The following STK32A variants were observed in gnomAD, a reference collection of about 807,000 sequenced individuals.
STK32A encodes serine/threonine kinase 32A, also known as serine/threonine-protein kinase 32A.
A neutral mutation model predicts 53.2 loss-of-function variants in STK32A; 41 were observed. That is an observed-to-expected ratio of 0.77 (90% CI 0.60 to 1.00). The LOEUF (loss-of-function observed/expected upper bound fraction) is 1.00, where lower values mean the gene tolerates loss of function less well. STK32A is among the 50% of genes least tolerant of loss of function. The pLI is 0.00. For missense variants in STK32A, 458 were observed against 485.8 expected (o/e 0.94, Z 0.54); for synonymous variants, 166 against 162.8 (o/e 1.02, Z -0.15).
intron 10 of STK32A, among the ~76,000 whole-genome samples, chr5:147,374,070 G>A (rs1277598912): frequency 6.6e-6 from 1 of 152,044 alleles, no homozygotes; most frequent in African/African-American, 2.4e-5. Context: ...CGAGGCAGGA[G>A]GATCAGGGGT....
chr5:147,353,379 A>G (rs139860315), intron 7 of STK32A, among the ~76,000 whole-genome samples: 4 of 152,290 alleles, frequency 2.6e-5, no homozygotes, highest in Non-Finnish European at 5.9e-5. Context: ...TAGGCAACAG[A>G]CTGAGATATC....
chr5:147,262,611 A>C (rs1489750896), intron 2 of STK32A, among the ~76,000 whole-genome samples: 2 of 148,838 alleles, frequency 1.3e-5, no homozygotes, highest in East Asian at 3.9e-4. Context: ...AACAAAAAAA[A>C]ACAAGACTTC....
intron 4 of STK32A, among the ~76,000 whole-genome samples, chr5:147,297,851 G>A (rs546253216): frequency 4.5e-4 from 68 of 152,062 alleles, no homozygotes; most frequent in African/African-American, 1.6e-3. Flanking sequence ...GTGGTGGCAC[G>A]TGCCTGTAAT....
rs142920096 is a variant in STK32A, at chr5:147,303,188, C to A, written c.261-20710C>A. Among the ~76,000 whole-genome samples the A allele has an allele frequency of 3.4e-4, 52 of 152,268 alleles. No individual in the cohort carries two copies. In the East Asian group the frequency reaches 9.1e-3, roughly 27 times the overall value. On this transcript the variant is annotated intron_variant, in intron 4 of 12. Transcript: ENST00000397936. ...GTGCTTTTAGATTAAGAATTAGATG[C>A]ATTATGACAGATTTTGCTATGTAAC...
chr5:147,393,753 T>C, the STK32A span: 13 of 425,188 alleles, frequency 3.1e-5, no homozygotes, highest in Non-Finnish European at 4.4e-5. Context: ...CTCAACACTA[T>C]GATAGAGCAG....
chr5:147,288,918 G>T (rs1026931629), intron 4 of STK32A, among the ~76,000 whole-genome samples: 1 of 152,154 alleles, frequency 6.6e-6, no homozygotes, highest in Non-Finnish European at 1.5e-5. Flanking sequence ...TAAATGAAAT[G>T]AATAAAGTGC....
chr5:147,248,031 G>T (rs1381476983), intron 2 of STK32A, among the ~76,000 whole-genome samples: 1 of 148,888 alleles, frequency 6.7e-6, no homozygotes, highest in Non-Finnish European at 1.5e-5. Context: ...TGAGGCAGGA[G>T]AATTGCTTGA....
At chr5:147,305,791 G>A (rs1753375809) in intron 4 of STK32A, among the ~76,000 whole-genome samples, 2 of 151,734 alleles carry the variant, frequency 1.3e-5, no homozygotes, top group Non-Finnish European at 2.9e-5. Context: ...TAGGCATTTG[G>A]ATCGTTTGCA....
chr5:147,271,313 T>C (rs1384015659), intron 2 of STK32A, among the ~76,000 whole-genome samples: 2 of 152,244 alleles, frequency 1.3e-5, no homozygotes, highest in Admixed American at 1.3e-4. Context: ...TGATTTCCTA[T>C]GCCTGTCTTT....
At chr5:147,317,160 AAT>A (rs201574133) in intron 4 of STK32A, among the ~76,000 whole-genome samples, 2 of 146,260 alleles carry the variant, frequency 1.4e-5, no homozygotes, top group East Asian at 2.0e-4. Flanking sequence ...AAAAAAAAAA[AAT>A]CTAACCTAAA....
intron 2 of STK32A, among the ~76,000 whole-genome samples, chr5:147,250,528 C>T (rs4705140): frequency 1.3e-5 from 2 of 151,924 alleles, no homozygotes; most frequent in African/African-American, 4.8e-5. Flanking sequence ...GTGACTAAGT[C>T]GGTGAGAAAA....
chr5:147,299,824 C>T (rs1182108974), intron 4 of STK32A, among the ~76,000 whole-genome samples: 2 of 152,154 alleles, frequency 1.3e-5, no homozygotes, highest in Admixed American at 6.5e-5. Flanking sequence ...ATAGGCTACA[C>T]GTTATTCTTT....
intron 4 of STK32A, among the ~76,000 whole-genome samples, chr5:147,318,927 C>T (rs540226219): frequency 6.6e-6 from 1 of 152,230 alleles, no homozygotes; most frequent in East Asian, 1.9e-4. Context: ...CTCATCAAGC[C>T]TTGGTGGAAA....
At position 147,370,686 on chromosome 5, in the gene STK32A, C is replaced by T. The variant is rs1302212790; in HGVS notation, c.693C>T (p.Ser231=). 1 of 1,611,994 alleles carries T rather than the reference C, an allele frequency of 6.2e-7. No individual in the cohort carries two copies. The highest frequency in any genetic ancestry group is 8.5e-7 in the Non-Finnish European group (1 of 1,178,528). ...ATCATATTCGCTCCAGTACTTCCAG[C>T]AAGGAAATTGTACACACGTTTGAGA... The part of the protein sequence containing the change: ...RPYHIRSSTS[S]KEIVHTFETT... Residue 231 remains serine (S), a synonymous_variant, in exon 9 of 13, where the codon AGC becomes AGT. Coordinates refer to ENST00000397936, the MANE Select transcript of STK32A (RefSeq NM_001112724.2).
chr5:147,371,835 T>C (rs78352830), intron 9 of STK32A, among the ~76,000 whole-genome samples: 2,892 of 152,236 alleles, frequency 0.019, 36 homozygotes, highest in Non-Finnish European at 0.029. Context: ...GATTGGAAAT[T>C]GAAACAGACA....
chr5:147,297,732 C>A (rs1369956270), intron 4 of STK32A, among the ~76,000 whole-genome samples: 1 of 152,144 alleles, frequency 6.6e-6, no homozygotes, highest in East Asian at 1.9e-4. Context: ...AATCCCAGCA[C>A]TTTGGGAGGC....
At chr5:147,275,604 G>A (rs1355989680) in intron 2 of STK32A, among the ~76,000 whole-genome samples, 1 of 152,160 alleles carries the variant, frequency 6.6e-6, no homozygotes, top group Non-Finnish European at 1.5e-5. Context: ...GATTACAGGT[G>A]TGAGTGACTG....
At chr5:147,355,534 C>A (rs1581131917) in intron 7 of STK32A, among the ~76,000 whole-genome samples, 1 of 151,814 alleles carries the variant, frequency 6.6e-6, no homozygotes, top group Admixed American at 6.6e-5. Context: ...AAAAATTAGC[C>A]GGGCGTGGTG....
At chr5:147,358,256 A>C (rs913784787) in intron 7 of STK32A, among the ~76,000 whole-genome samples, 1 of 152,174 alleles carries the variant, frequency 6.6e-6, no homozygotes, top group Non-Finnish European at 1.5e-5. Flanking sequence ...CACACTCACC[A>C]GATTGGCAAT....
Sources: allele counts gnomAD v4.1 joint callset (sites outside exome capture counted in the v4.1 genomes callset), GRCh38; gene constraint gnomAD v4.1.1; transcripts MANE v1.5; gene names NCBI Gene and HGNC (gene_info 2026-07-23, HGNC 2026-07-21).